KIF26B: variants seen among roughly 807,000 people sequenced by gnomAD.
KIF26B encodes kinesin family member 26B.
KIF26B carries 63 observed loss-of-function variants against 151.2 expected under a neutral mutation model. That is an observed-to-expected ratio of 0.42 (90% CI 0.34 to 0.51). The LOEUF is 0.51. KIF26B is among the 20% of genes least tolerant of loss of function. KIF26B has a pLI of 0.07. For missense variants in KIF26B, 2,813 were observed against 2,913.6 expected, an observed-to-expected ratio of 0.97 and a Z score of 0.79; for synonymous variants, 1,357 against 1,262.1, an observed-to-expected ratio of 1.08 and a Z score of -1.59.
At chr1:245,171,437 C>T (rs372148024) in intron 2 of KIF26B, among the ~76,000 whole-genome samples, 59 of 152,098 alleles carry the variant, frequency 3.9e-4, no homozygotes, top group African/African-American at 4.3e-4. Flanking sequence ...CCAGCTACTC[C>T]GGAAGCTAAG....
At chr1:245,202,677 G>A (rs898037687) in intron 2 of KIF26B, among the ~76,000 whole-genome samples, 8 of 149,436 alleles carry the variant, frequency 5.4e-5, no homozygotes, top group African/African-American at 1.7e-4. Context: ...GGAGAATGCC[G>A]TGAACCCGGG....
intron 3 of KIF26B, 44 bp from the exon 4 acceptor site, chr1:245,419,535 A>T: frequency 6.4e-7 from 1 of 1,555,380 alleles, no homozygotes; most frequent in Non-Finnish European, 8.7e-7. Context: ...CAGGAAAAGC[A>T]GTGAGCCACA....
intron 4 of KIF26B, among the ~76,000 whole-genome samples, chr1:245,493,982 C>T (rs1013196990): frequency 2.0e-5 from 3 of 151,786 alleles, no homozygotes; most frequent in African/African-American, 7.3e-5. Context: ...TAGTGGAGTT[C>T]TCAGTATCAC....
rs5782334 is a variant in KIF26B, at chr1:245,318,885, G to GAA, written c.466-47941_466-47940dup. On this transcript the variant is annotated intron_variant, in intron 2 of 14. Coordinates refer to ENST00000407071, the MANE Select transcript of KIF26B (RefSeq NM_018012.4). This position sits in a 1 kb window ranked among gnomAD's most constrained non-coding sequence, Gnocchi z 4.0. ...ATCAGCCTGAGCCAAGATTGATGAG[G>GAA]AAAAAAAAACAAAAACCAAAATCTA... Among the ~76,000 whole-genome samples the GAA allele has an allele frequency of 4.5e-4, 68 of 150,616 alleles. No individual in the cohort carries two copies. Among genetic ancestry groups the GAA allele is most frequent in the Middle Eastern group, 3.4e-3 (1 of 292 alleles).
chr1:245,342,621 T>C (rs1672357958), intron 2 of KIF26B, among the ~76,000 whole-genome samples: 1 of 152,138 alleles, frequency 6.6e-6, no homozygotes, highest in Admixed American at 6.5e-5. Flanking sequence ...AAAGGGACCA[T>C]GCTACAATTT....
chr1:245,332,603 C>T (rs911537793), intron 2 of KIF26B, among the ~76,000 whole-genome samples: 3 of 152,200 alleles, frequency 2.0e-5, no homozygotes, highest in African/African-American at 7.2e-5. Context: ...CTTACTCCCA[C>T]CCCCACTGCT....
intron 10 of KIF26B, among the ~76,000 whole-genome samples, chr1:245,648,419 C>T (rs902359163): frequency 1.1e-4 from 16 of 151,928 alleles, no homozygotes; most frequent in African/African-American, 3.1e-4. Context: ...GAGGCTGAGG[C>T]GGGAGGATTG....
intron 3 of KIF26B, among the ~76,000 whole-genome samples, chr1:245,402,055 C>T (rs762058793): frequency 2.0e-5 from 3 of 152,172 alleles, no homozygotes; most frequent in Non-Finnish European, 4.4e-5. Context: ...TGAGGCTCCC[C>T]TAGGCCTCAT....
At chr1:245,350,908 T>C (rs1672555487) in intron 2 of KIF26B, among the ~76,000 whole-genome samples, 1 of 152,228 alleles carries the variant, frequency 6.6e-6, no homozygotes, top group African/African-American at 2.4e-5. Context: ...AGGCTGATAA[T>C]GGAAGTTCAA....
chr1:245,165,896 T>C (rs1310844549), intron 2 of KIF26B, among the ~76,000 whole-genome samples: 3 of 152,222 alleles, frequency 2.0e-5, no homozygotes, highest in Non-Finnish European at 4.4e-5. Flanking sequence ...GCCAATGGCA[T>C]TGTGTCCAGG....
At chr1:245,389,679 G>T (rs754637436) in intron 3 of KIF26B, among the ~76,000 whole-genome samples, 8 of 152,192 alleles carry the variant, frequency 5.3e-5, no homozygotes, top group Non-Finnish European at 1.0e-4. Flanking sequence ...GAATGCTTAA[G>T]TTACCTATGA....
intron 4 of KIF26B, among the ~76,000 whole-genome samples, chr1:245,447,835 A>G (rs1480719250): frequency 6.6e-6 from 1 of 152,184 alleles, no homozygotes; most frequent in African/African-American, 2.4e-5. Flanking sequence ...GTAAATATAA[A>G]TATGACTGCA....
chr1:245,405,184 G>A (rs1322934491), intron 3 of KIF26B, among the ~76,000 whole-genome samples: 1 of 152,200 alleles, frequency 6.6e-6, no homozygotes, highest in Non-Finnish European at 1.5e-5. Flanking sequence ...AAGCAACTGT[G>A]ACAAGCTGTT....
At chr1:245,541,049 A>T (rs1439494754) in intron 5 of KIF26B, 99 bp downstream of exon 5, 1 of 1,004,718 alleles carries the variant, frequency 1.0e-6, no homozygotes, top group Non-Finnish European at 1.4e-6. Context: ...TTAAAATAAG[A>T]CGTTGCCAGG....
intron 9 of KIF26B, among the ~76,000 whole-genome samples, chr1:245,631,407 G>A (rs578214378): frequency 6.6e-6 from 1 of 152,246 alleles, no homozygotes; most frequent in African/African-American, 2.4e-5. Context: ...TCTCTCATAT[G>A]TTGATGTGAT....
rs2043343277 is a variant in KIF26B at position 245,597,132 on chromosome 1, A to G, written c.1351-5445A>G. Among the ~76,000 whole-genome samples the G allele has an allele frequency of 6.6e-6, 1 of 152,160 alleles. No individual in the cohort carries two copies. The highest frequency in any genetic ancestry group is 2.4e-5 in the African/African-American group (1 of 41,440). On this transcript the variant is annotated intron_variant, in intron 5 of 14. Transcript: ENST00000407071. This position sits in a 1 kb window ranked among gnomAD's most constrained non-coding sequence, Gnocchi z 4.6. ...TGGGGCATTTAGCCCATTTACATTT[A>G]AGGTTAATATTGTTATGTGTGAATT... is the stretch of plus-strand genomic sequence containing the variant.
At chr1:245,202,606 A>G (rs1340016997) in intron 2 of KIF26B, among the ~76,000 whole-genome samples, 1 of 152,018 alleles carries the variant, frequency 6.6e-6, no homozygotes, top group Non-Finnish European at 1.5e-5. Flanking sequence ...TAAAAATACA[A>G]AAAATTAGCC....
chr1:245,653,479 G>C (rs1311702882), intron 10 of KIF26B, among the ~76,000 whole-genome samples: 1 of 152,140 alleles, frequency 6.6e-6, no homozygotes, highest in Non-Finnish European at 1.5e-5. Flanking sequence ...TGCCTCACAA[G>C]CTCTGCTAAA....
At position 245,170,608 on chromosome 1, in the gene KIF26B, G is replaced by A. The variant is rs1668692825; in HGVS notation, c.465+13925G>A. ...TGAGATCAAGGCCCCATCAGATTGA[G>A]TGTCTTGTGAGGTCTGCTTTTTGAT... On this transcript the variant is annotated intron_variant, in intron 2 of 14. Transcript: ENST00000407071. The surrounding 1 kb of genome is among the most constrained non-coding windows in gnomAD (Gnocchi z 4.4). Among the ~76,000 whole-genome samples, 1 of 152,200 alleles carries A rather than the reference G, an allele frequency of 6.6e-6. No homozygotes were observed. Among genetic ancestry groups the A allele is most frequent in the African/African-American group, 2.4e-5 (1 of 41,456 alleles).
Sources: gnomAD v4.1 joint callset for allele counts (sites outside exome capture counted in the v4.1 genomes callset) on GRCh38, gnomAD v4.1.1 for gene constraint, Gnocchi (gnomAD v3.1) non-coding constraint, MANE v1.5 for transcripts, NCBI Gene and HGNC (gene_info 2026-07-23, HGNC 2026-07-21) for gene names.